The following NACC2 variants were observed in gnomAD, a reference collection of about 807,000 sequenced individuals.
The protein encoded by NACC2 is NACC family member 2, also known as nucleus accumbens-associated protein 2.
NACC2 carries 8 observed loss-of-function variants against 25.1 expected under a neutral mutation model. The ratio of observed to expected loss-of-function variants is 0.32; its 90% CI spans 0.19 to 0.57. NACC2 has a LOEUF of 0.57. NACC2 is among the 20% of genes least tolerant of loss of function. The probability of loss-of-function intolerance (pLI) is 0.89; values close to 1 mark genes in which losing one functional copy is unlikely to be tolerated. For missense variants in NACC2, 644 were observed against 650.2 expected (o/e 0.99, Z 0.10); for synonymous variants, 435 against 294.7 (o/e 1.48, Z -4.88).
At chr9:136,047,000 CG>C (rs1305596820) in intron 2 of NACC2, among the ~76,000 whole-genome samples, 2 of 152,178 alleles carry the variant, frequency 1.3e-5, no homozygotes, top group African/African-American at 4.8e-5. Flanking sequence ...GGTGCAGCTC[CG>C]GGACCCTCGG....
chr9:136,042,683 T>TACACACACAGAC (rs1279837762), intron 2 of NACC2, among the ~76,000 whole-genome samples: 265 of 127,340 alleles, frequency 2.1e-3, no homozygotes, highest in African/African-American at 7.6e-3. Context: ...CACACAGACA[T>TACACACACAGAC]ACACACACAG....
intron 2 of NACC2, among the ~76,000 whole-genome samples, chr9:136,031,067 A>T (rs984104130): frequency 6.6e-6 from 1 of 152,230 alleles, no homozygotes; most frequent in African/African-American, 2.4e-5. Flanking sequence ...GCAGCTACTC[A>T]AGAAAATGAA....
intron 2 of NACC2, among the ~76,000 whole-genome samples, chr9:136,023,652 C>G (rs11103278): frequency 0.026 from 3,971 of 152,338 alleles, 192 homozygotes; most frequent in African/African-American, 0.092. Context: ...CTGATGGCAT[C>G]CCTTTCCTGC....
chr9:136,071,272 C>T (rs754840000), intron 1 of NACC2, among the ~76,000 whole-genome samples: 24 of 151,496 alleles, frequency 1.6e-4, no homozygotes, highest in African/African-American at 3.4e-4. Flanking sequence ...AGGCTGGGCG[C>T]GGTGGCTCAC....
intron 1 of NACC2, among the ~76,000 whole-genome samples, chr9:136,071,542 CAAAAAA>C (rs34087690): frequency 4.8e-5 from 4 of 83,266 alleles, no homozygotes; most frequent in Non-Finnish European, 2.2e-5. Flanking sequence ...GACTCCATCT[CAAAAAA>C]AAAAAAAAAA....
Position 136,084,874 on chromosome 9 carries a change from C to T in NACC2, c.-60+10315G>A, listed in dbSNP as rs149243179. Among the ~76,000 whole-genome samples the T allele has an allele frequency of 3.0e-3, 459 of 152,258 alleles. 3 individuals carry two copies. Among genetic ancestry groups the T allele is most frequent in the African/African-American group, 0.01 (426 of 41,538 alleles). ...GTGGGACTCCACTCACATGCAGTCC[C>T]GGAAGCAGGCCTACAGAGACAGGAA... is the stretch of plus-strand genomic sequence containing the variant. On this transcript the variant is annotated intron_variant, in intron 1 of 5. Transcript: ENST00000277554. This position sits in a 1 kb window ranked among gnomAD's most constrained non-coding sequence, Gnocchi z 5.1.
chr9:136,093,471 G>A (rs966462087), intron 1 of NACC2, among the ~76,000 whole-genome samples: 8 of 152,154 alleles, frequency 5.3e-5, no homozygotes, highest in African/African-American at 1.7e-4. Context: ...GAGATCTCCC[G>A]GGTGGCTCCT....
At position 136,008,644 on chromosome 9, in the gene NACC2, T is replaced by C. The variant is rs1169359594; in HGVS notation, c.*2872A>G. ...GGAGGGAAGGGTCCGGCTTTCTTAATTGGTTTCCTTGGGAAAAATGATCAA... is the reference window on the plus strand; with the variant it reads ...GGAGGGAAGGGTCCGGCTTTCTTAACTGGTTTCCTTGGGAAAAATGATCAA... On this transcript the variant is annotated 3_prime_UTR_variant, in exon 6 of 6. Transcript: ENST00000277554. The C allele has an allele frequency of 6.6e-6, 1 of 152,198 alleles. No individual in the cohort carries two copies. Among genetic ancestry groups the C allele is most frequent in the Non-Finnish European group, 1.5e-5 (1 of 68,056 alleles). The allele number at this position is 152,198 out of a possible 1,614,324, so 9.4% of individuals were successfully genotyped here. A position where few individuals can be genotyped will look rare whatever the true frequency, so the allele number is the denominator to read the frequency against.
At position 136,075,105 on chromosome 9, in the gene NACC2, C is replaced by T. The variant is rs527932879; in HGVS notation, c.-60+20084G>A. On this transcript the variant is annotated intron_variant, in intron 1 of 5. Coordinates refer to ENST00000277554, the MANE Select transcript of NACC2 (RefSeq NM_144653.5). ...AAATGAGCCGATTCCACCTTGTCCT[C>T]AATGGCGGCTTCTGCTCCCTCAAAG... Among the ~76,000 whole-genome samples the T allele has an allele frequency of 2.1e-3, 317 of 152,386 alleles. 2 individuals carry two copies. Among genetic ancestry groups the T allele is most frequent in the Middle Eastern group, 0.01 (3 of 294 alleles).
chr9:136,027,367 C>T (rs1022493947), intron 2 of NACC2, among the ~76,000 whole-genome samples: 5 of 152,136 alleles, frequency 3.3e-5, no homozygotes, highest in African/African-American at 1.2e-4. Context: ...TCTGCTGTGG[C>T]CAACACAAGA....
At chr9:136,077,044 G>A (rs562896137) in intron 1 of NACC2, among the ~76,000 whole-genome samples, 82 of 151,956 alleles carry the variant, frequency 5.4e-4, no homozygotes, top group Non-Finnish European at 1.1e-3. Flanking sequence ...GCCGGGTGTG[G>A]TGGCGGGCGC....
At chr9:136,064,771 A>G (rs765350783) in intron 1 of NACC2, among the ~76,000 whole-genome samples, 2 of 152,206 alleles carry the variant, frequency 1.3e-5, no homozygotes, top group Non-Finnish European at 1.5e-5. Flanking sequence ...AAACAATATT[A>G]AAAAAGAGGA....
In NACC2 at chr9:136,049,747, TGTC is replaced by T. The variant is rs1840787910; in HGVS notation, c.772_774del (p.Asp258del). The stretch of plus-strand genomic sequence containing the variant: ...TCCTCGTTGTGGTACGAGGTGGGGC[TGTC>T]GGTGGTGGGCAGGCTGCTGGCGCCT... On this transcript the variant is annotated inframe_deletion, in exon 2 of 6. Transcript: ENST00000277554. 3 of 778,240 alleles carry T rather than the reference TGTC, an allele frequency of 3.9e-6. No individual in the cohort carries two copies. The African/African-American group carries it at 5.1e-5, about 13-fold the overall frequency. 48.2% of individuals were successfully genotyped at this position (778,240 alleles called of 1,614,324 possible). A position where few individuals can be genotyped will look rare whatever the true frequency, so the allele number is the denominator to read the frequency against.
intron 1 of NACC2, among the ~76,000 whole-genome samples, chr9:136,094,831 G>C (rs1408825085): frequency 2.0e-5 from 3 of 151,822 alleles, no homozygotes; most frequent in Non-Finnish European, 2.9e-5. Flanking sequence ...GAGGCCGCGC[G>C]GGTCCCCAGA....
At chr9:136,057,192 C>A (rs1840938481) in intron 1 of NACC2, among the ~76,000 whole-genome samples, 2 of 152,234 alleles carry the variant, frequency 1.3e-5, no homozygotes, top group Non-Finnish European at 2.9e-5. Context: ...GAGCCCTGCG[C>A]TTATGGGGAA....
chr9:136,043,827 G>T (rs1406106616), intron 2 of NACC2, among the ~76,000 whole-genome samples: 1 of 152,136 alleles, frequency 6.6e-6, no homozygotes, highest in Non-Finnish European at 1.5e-5. Context: ...AATACTTTTG[G>T]TTTTTGTTTT....
At position 136,013,437 on chromosome 9, in the gene NACC2, C is replaced by A. The variant is rs1840145090; in HGVS notation, c.1158-141G>T. On this transcript the variant is annotated intron_variant, in intron 4 of 5. Transcript: ENST00000277554. This position sits in a 1 kb window ranked among gnomAD's most constrained non-coding sequence, Gnocchi z 6.6. ...CTGCGTGTGTCCCAGTGGCAGGAGC[C>A]GGCCCAGCCACCCTCTAAGGGACAG... is the stretch of plus-strand genomic sequence containing the variant. The A allele has an allele frequency of 4.4e-6, 3 of 680,572 alleles. No individual in the cohort carries two copies. The highest frequency in any genetic ancestry group is 2.8e-5 in the Admixed American group (1 of 36,254). 42.2% of individuals were successfully genotyped at this position (680,572 alleles called of 1,614,324 possible).
chr9:136,091,621 C>T (rs1239397280), intron 1 of NACC2, among the ~76,000 whole-genome samples: 2 of 152,338 alleles, frequency 1.3e-5, no homozygotes, highest in African/African-American at 2.4e-5. Context: ...CTGCCCACTG[C>T]GCTCTGCTGA....
chr9:136,037,335 T>C (rs1041723437), intron 2 of NACC2, among the ~76,000 whole-genome samples: 18 of 152,158 alleles, frequency 1.2e-4, no homozygotes, highest in Non-Finnish European at 2.2e-4. Flanking sequence ...GCGATTCTCC[T>C]GCCTCAGCCT....
Sources: allele counts gnomAD v4.1 joint callset (sites outside exome capture counted in the v4.1 genomes callset), GRCh38; gene constraint gnomAD v4.1.1; non-coding constraint Gnocchi (gnomAD v3.1); transcripts MANE v1.5; gene names NCBI Gene and HGNC (gene_info 2026-07-23, HGNC 2026-07-21).